The following CUEDC1 variants were observed in gnomAD, a reference collection of about 807,000 sequenced individuals.
CUEDC1 encodes the protein CUE domain-containing protein 1.
CUEDC1 carries 30 observed loss-of-function variants against 43.7 expected under a neutral mutation model. The observed-to-expected ratio is 0.69, with a 90% CI of 0.51 to 0.93. The LOEUF (loss-of-function observed/expected upper bound fraction) is 0.93, where lower values mean the gene tolerates loss of function less well. CUEDC1 is among the 40% of genes least tolerant of loss of function. CUEDC1 has a pLI of 0.00. For synonymous variants in CUEDC1, 223 were observed against 223.6 expected, an observed-to-expected ratio of 1.00 and a Z score of 0.02; for missense variants, 486 against 549.0, an observed-to-expected ratio of 0.89 and a Z score of 1.15.
chr17:57,893,745 G>A (rs969333770), intron 1 of CUEDC1, among the ~76,000 whole-genome samples: 9 of 152,232 alleles, frequency 5.9e-5, no homozygotes, highest in Admixed American at 1.3e-4. Context: ...GCTGTCATGC[G>A]CTGCTGTGTG....
chr17:57,924,003 C>G (rs1165452842), intron 1 of CUEDC1, among the ~76,000 whole-genome samples: 1 of 151,914 alleles, frequency 6.6e-6, no homozygotes, highest in African/African-American at 2.4e-5. Context: ...GAGATGAGGT[C>G]TTGTTATATT....
At chr17:57,902,089 G>A (rs1429063617) in intron 1 of CUEDC1, among the ~76,000 whole-genome samples, 1 of 152,026 alleles carries the variant, frequency 6.6e-6, no homozygotes, top group African/African-American at 2.4e-5. Flanking sequence ...CAGGAGAATT[G>A]CTTGAGCCCA....
chr17:57,867,248 G>T, intron 9 of CUEDC1, 109 bp downstream of exon 9: 1 of 1,027,642 alleles, frequency 9.7e-7, no homozygotes, highest in Non-Finnish European at 1.5e-6. Context: ...AACCCTCAGT[G>T]TGTTCCTCCA....
intron 1 of CUEDC1, among the ~76,000 whole-genome samples, chr17:57,904,231 C>A (rs1036750060): frequency 1.3e-5 from 2 of 152,136 alleles, no homozygotes. Context: ...TCCTGGCCCC[C>A]CTACCCCACC....
chr17:57,867,821 G>A lies in CUEDC1; in HGVS notation c.1034+329C>T, dbSNP rs116345174. ...ACCAGTTCAACTAGAGAAATGAAGG[G>A]AAGGTTTGATATTGATGGAAGAACC... is the stretch of plus-strand genomic sequence containing the variant. On this transcript the variant is annotated intron_variant, in intron 8 of 10. Coordinates refer to ENST00000577830, the MANE Select transcript of CUEDC1 (RefSeq NM_001271875.2). 6.4e-3 allele frequency among the ~76,000 whole-genome samples: 980 copies of A among 152,322 alleles called. 9 individuals carry two copies. The highest frequency in any genetic ancestry group is 0.023 in the African/African-American group (937 of 41,576).
chr17:57,899,902 T>C (rs919316925), intron 1 of CUEDC1, among the ~76,000 whole-genome samples: 1 of 150,716 alleles, frequency 6.6e-6, no homozygotes, highest in Non-Finnish European at 1.5e-5. Flanking sequence ...ACCCCCTTCA[T>C]TAGGCTGATA....
rs1401521379 is a variant in CUEDC1 at position 57,885,691 on chromosome 17, C to CG, written c.-128dup. 21 of 1,293,500 alleles carry CG rather than the reference C, an allele frequency of 1.6e-5. No individual in the cohort carries two copies. In the African/African-American group the frequency reaches 2.8e-4, roughly 17 times the overall value. The allele number at this position is 1,293,500 out of a possible 1,614,324, so 80.1% of individuals were successfully genotyped here. A position where few individuals can be genotyped will look rare whatever the true frequency, so the allele number is the denominator to read the frequency against. On this transcript the variant is annotated 5_prime_UTR_variant, in exon 2 of 11. It removes the in-frame stop codon of an upstream open reading frame in the 5' UTR. Transcript: ENST00000577830. Reference sequence around the variant, plus strand: ...GCTCACTCCTGCGCCTCCTCCTCCCCGGGTAGCCAGGCAGCAATGGGCTGC... The same window carrying CG: ...GCTCACTCCTGCGCCTCCTCCTCCCCGGGGTAGCCAGGCAGCAATGGGCTGC...
At chr17:57,889,603 G>GTCTTACCCTCCTTCCA (rs2074334336) in intron 1 of CUEDC1, among the ~76,000 whole-genome samples, 1 of 152,246 alleles carries the variant, frequency 6.6e-6, no homozygotes, top group Admixed American at 6.5e-5. Context: ...AAGTCTAGGA[G>GTCTTACCCTCCTTCCA]GGAGTTGCCC....
At chr17:57,897,015 C>T (rs1273257870) in intron 1 of CUEDC1, among the ~76,000 whole-genome samples, 1 of 152,066 alleles carries the variant, frequency 6.6e-6, no homozygotes, top group Non-Finnish European at 1.5e-5. Context: ...TGATAATCTG[C>T]CTGCCTAGGC....
chr17:57,952,320 A>G (rs1204644430), intron 1 of CUEDC1, among the ~76,000 whole-genome samples: 1 of 151,732 alleles, frequency 6.6e-6, no homozygotes, highest in Non-Finnish European at 1.5e-5. Context: ...TCCACCTCCC[A>G]GGTTCAAGCA....
chr17:57,928,446 G>A (rs947774824), intron 1 of CUEDC1, among the ~76,000 whole-genome samples: 2 of 151,650 alleles, frequency 1.3e-5, no homozygotes, highest in African/African-American at 2.4e-5. Flanking sequence ...CTACTCGGGA[G>A]GCTGAGGCAG....
chr17:57,896,484 T>TTGGGGGG (rs1555660550), intron 1 of CUEDC1, among the ~76,000 whole-genome samples: 3 of 61,238 alleles, frequency 4.9e-5, no homozygotes, highest in Non-Finnish European at 1.0e-4. Context: ...TAGTGCATTA[T>TTGGGGGG]GGGGTGTGTG....
chr17:57,953,514 T>C (rs2075027416), intron 1 of CUEDC1, among the ~76,000 whole-genome samples: 1 of 152,206 alleles, frequency 6.6e-6, no homozygotes, highest in African/African-American at 2.4e-5. Flanking sequence ...ACAACTGTTC[T>C]GATGGCCCAG....
chr17:57,873,947 A>G (rs1204745528), intron 3 of CUEDC1, among the ~76,000 whole-genome samples: 1 of 152,160 alleles, frequency 6.6e-6, no homozygotes. Flanking sequence ...GTGCCCTTCC[A>G]GGTCTCTGGA....
chr17:57,939,227 A>G (rs1258627853), intron 1 of CUEDC1, among the ~76,000 whole-genome samples: 4 of 151,240 alleles, frequency 2.6e-5, no homozygotes, highest in African/African-American at 9.8e-5. Context: ...TTGGCCCCCC[A>G]AAGTGCTGGG....
intron 3 of CUEDC1, among the ~76,000 whole-genome samples, chr17:57,878,736 G>A (rs1034180978): frequency 5.3e-5 from 8 of 152,000 alleles, no homozygotes; most frequent in African/African-American, 1.9e-4. Flanking sequence ...GCACCATCTT[G>A]GCTCACTGCA....
At chr17:57,910,217 C>CG (rs2074568762) in intron 1 of CUEDC1, among the ~76,000 whole-genome samples, 1 of 152,122 alleles carries the variant, frequency 6.6e-6, no homozygotes, top group Non-Finnish European at 1.5e-5. Context: ...TCAATGGCAG[C>CG]CTTCTCCACA....
chr17:57,886,063 C>T (rs2144969135), intron 1 of CUEDC1, among the ~76,000 whole-genome samples, 184 bp from the exon 2 acceptor site: 1 of 152,344 alleles, frequency 6.6e-6, no homozygotes, highest in African/African-American at 2.4e-5. Flanking sequence ...TCTTTACTAG[C>T]ACAGGACAGC....
chr17:57,940,472 C>G (rs1351736801), intron 1 of CUEDC1, among the ~76,000 whole-genome samples: 3 of 152,180 alleles, frequency 2.0e-5, no homozygotes, highest in African/African-American at 7.2e-5. Context: ...TTTCCTCCAT[C>G]TCTCTCCTCC....
Sources: allele counts gnomAD v4.1 joint callset (sites outside exome capture counted in the v4.1 genomes callset), GRCh38; gene constraint gnomAD v4.1.1; transcripts MANE v1.5; gene names NCBI Gene and HGNC (gene_info 2026-07-23, HGNC 2026-07-21).